The following BBS1 variants were observed in gnomAD, a reference collection of about 807,000 sequenced individuals.
BBS1 encodes Bardet-Biedl syndrome 1.
Under a neutral mutation model 73.9 loss-of-function variants are expected in BBS1, and 60 were observed. The observed-to-expected ratio is 0.81, with a 90% CI of 0.66 to 1.01. The LOEUF is 1.01. BBS1 is among the 50% of genes least tolerant of loss of function. BBS1 has a pLI of 0.00. For missense variants in BBS1, 718 were observed against 770.3 expected, an observed-to-expected ratio of 0.93 and a Z score of 0.80; for synonymous variants, 283 against 317.4, an observed-to-expected ratio of 0.89 and a Z score of 1.15.
chr11:66,532,144 C>T lies in BBS1; in HGVS notation c.*107C>T, dbSNP rs981703678. Reference sequence around the variant, plus strand: ...GCAGCAGTGTGCTGGGGCGACAGCTCGTCTCCCCTCTCTTAAGCACCCGCT... The same window carrying T: ...GCAGCAGTGTGCTGGGGCGACAGCTTGTCTCCCCTCTCTTAAGCACCCGCT... On this transcript the variant is annotated 3_prime_UTR_variant, in exon 17 of 17. Coordinates refer to ENST00000318312, the MANE Select transcript of BBS1 (RefSeq NM_024649.5). The T allele has an allele frequency of 2.5e-4, 302 of 1,207,740 alleles. No individual in the cohort carries two copies. The highest frequency in any genetic ancestry group is 1.5e-4 in the African/African-American group (10 of 65,862). The allele number at this position is 1,207,740 out of a possible 1,614,324, so 74.8% of individuals were successfully genotyped here. A position where few individuals can be genotyped will look rare whatever the true frequency, so the allele number is the denominator to read the frequency against.
At chr11:66,515,491 G>C in intron 4 of BBS1, 49 bp from the exon 5 acceptor site, 1 of 1,607,440 alleles carries the variant, frequency 6.2e-7, no homozygotes, top group Non-Finnish European at 8.5e-7. Flanking sequence ...TAGACATTGG[G>C]TTTCCTGCCT....
intron 8 of BBS1, 195 bp from the exon 9 acceptor site, chr11:66,521,075 C>T (rs929870417): frequency 4.8e-6 from 3 of 630,582 alleles, no homozygotes; most frequent in Non-Finnish European, 5.7e-6. Context: ...ATCGTTTAGT[C>T]AAAAGGCACA....
Position 66,511,828 on chromosome 11 carries a change from A to G in BBS1, c.159+589A>G, listed in dbSNP as rs1791689. On this transcript the variant is annotated intron_variant, in intron 3 of 16. Coordinates refer to ENST00000318312, the MANE Select transcript of BBS1 (RefSeq NM_024649.5). Reference sequence around the variant, plus strand: ...AGCCTGTCCAACATGGTGAAACACCATCTCTACTAAAAATACAAAAATTAG... The same window carrying G: ...AGCCTGTCCAACATGGTGAAACACCGTCTCTACTAAAAATACAAAAATTAG... Among the ~76,000 whole-genome samples the G allele has an allele frequency of 2.7e-3, 417 of 151,708 alleles. 4 individuals carry two copies. The highest frequency in any genetic ancestry group is 9.6e-3 in the African/African-American group (399 of 41,356).
At position 66,529,978 on chromosome 11, in the gene BBS1, CAG is replaced by C. The variant is rs776820732; in HGVS notation, c.1473+27_1473+28del. 1.0e-5 allele frequency: 16 copies of C among 1,589,792 alleles called. No individual in the cohort carries two copies. In the East Asian group the frequency reaches 3.4e-4, roughly 34 times the overall value. On this transcript the variant is annotated intron_variant, in intron 14 of 16. Coordinates refer to ENST00000318312, the MANE Select transcript of BBS1 (RefSeq NM_024649.5). ...GTGAGCATCTGGGTGAGGGCAGAGT[CAG>C]GGCCAGAGGGGCAGAGGCCAGGATG...
intron 3 of BBS1, among the ~76,000 whole-genome samples, chr11:66,513,798 C>T (rs535128720): frequency 2.6e-5 from 4 of 152,264 alleles, no homozygotes; most frequent in East Asian, 1.9e-4. Flanking sequence ...CCTTTCTGGC[C>T]GGAGCACAGC....
At chr11:66,524,017 T>C in intron 11 of BBS1, 135 bp downstream of exon 11, 1 of 1,318,694 alleles carries the variant, frequency 7.6e-7, no homozygotes, top group Non-Finnish European at 1.1e-6. Flanking sequence ...CAGTGGCTCA[T>C]GCCTGTAATC....
chr11:66,529,766 C>T, intron 13 of BBS1, 53 bp from the exon 14 acceptor site: 3 of 1,604,830 alleles, frequency 1.9e-6, no homozygotes, highest in African/African-American at 2.7e-5. Flanking sequence ...GTTGCTGCCT[C>T]CTCCCTGCCA....
rs145250354 is a variant in BBS1, at chr11:66,519,901, C to T, written c.723+153C>T. The T allele has an allele frequency of 3.8e-3, 3,683 of 973,218 alleles. 13 individuals are homozygous for T. Among genetic ancestry groups the T allele is most frequent in the Middle Eastern group, 4.9e-3 (15 of 3,040 alleles). The allele number at this position is 973,218 out of a possible 1,614,324, so 60.3% of individuals were successfully genotyped here. On this transcript the variant is annotated intron_variant, in intron 8 of 16. Transcript: ENST00000318312. The stretch of plus-strand genomic sequence containing the variant: ...AAAGATATATATCCAAAAATCCTAC[C>T]GCCTATGGATGTATACTGTTAAAGT...
At chr11:66,529,983 CCAGAGGGG>C (rs759842562) in intron 14 of BBS1, 31 bp downstream of exon 14, 3 of 1,585,882 alleles carry the variant, frequency 1.9e-6, no homozygotes, top group Non-Finnish European at 2.6e-6. Flanking sequence ...AGAGTCAGGG[CCAGAGGGG>C]CAGAGGCCAG....
chr11:66,512,409 C>A (rs1855973198), intron 3 of BBS1, among the ~76,000 whole-genome samples: 1 of 152,112 alleles, frequency 6.6e-6, no homozygotes, highest in South Asian at 2.1e-4. Flanking sequence ...GTCCTGGAAT[C>A]CCACCCCACA....
chr11:66,529,987 A>T (rs1468194863), intron 14 of BBS1, 35 bp downstream of exon 14: 2 of 1,581,782 alleles, frequency 1.3e-6, no homozygotes, highest in Non-Finnish European at 1.7e-6. Flanking sequence ...TCAGGGCCAG[A>T]GGGGCAGAGG....
intron 1 of BBS1, 51 bp downstream of exon 1, chr11:66,510,757 C>G (rs1315269980): frequency 6.2e-7 from 1 of 1,609,118 alleles, no homozygotes; most frequent in East Asian, 2.2e-5. Flanking sequence ...TAAAGAGGGT[C>G]CCTTGGTCCC....
In BBS1 at chr11:66,515,728, T is replaced by C. The variant is rs761360440; in HGVS notation, c.515T>C (p.Leu172Pro). 6.2e-7 allele frequency: 1 copy of C among 1,613,964 alleles called. No homozygotes were observed. Residue 172 changes from leucine to proline, a missense_variant, in exon 6 of 17, where the codon CTC becomes CCC. Coordinates refer to ENST00000318312, the MANE Select transcript of BBS1 (RefSeq NM_024649.5). ...TAEEPLSIQS[L>P]RFLQLELSEM... ...GAGGAGCCTTTGTCCATCCAGTCAC[T>C]CAGGTAAGGACCCTGTGGAGGGCCA... is the stretch of plus-strand genomic sequence containing the variant.
rs1245952031 is a variant in BBS1 at position 66,523,774 on chromosome 11, C to A, written c.1002C>A (p.Asn334Lys). The part of the protein sequence containing the change: ...VQMPAAILTM[N>K]LLEQHSRGLQ... ...TGCCCGCAGCCATCCTGACCATGAACCTCCTGGAGCAGCATTCCCGGGGCC... is the reference window on the plus strand; with the variant it reads ...TGCCCGCAGCCATCCTGACCATGAAACTCCTGGAGCAGCATTCCCGGGGCC... The change falls in exon 11 of 17, where the codon AAC (asparagine) becomes AAA (lysine). Residue 334 changes from asparagine to lysine, a missense_variant. Transcript: ENST00000318312. 1 of 1,613,140 alleles carries A rather than the reference C, an allele frequency of 6.2e-7. No homozygotes were observed. Among genetic ancestry groups the A allele is most frequent in the Non-Finnish European group, 8.5e-7 (1 of 1,180,034 alleles).
intron 12 of BBS1, 66 bp downstream of exon 12, chr11:66,526,258 GA>G (rs1291907192): frequency 3.4e-6 from 5 of 1,482,210 alleles, no homozygotes; most frequent in African/African-American, 1.4e-5. Context: ...TGCTTCTGGG[GA>G]AAGAGGAGGA....
chr11:66,529,677 C>T lies in BBS1; in HGVS notation c.1340-142C>T, dbSNP rs561723089. On this transcript the variant is annotated intron_variant, in intron 13 of 16. Coordinates refer to ENST00000318312, the MANE Select transcript of BBS1 (RefSeq NM_024649.5). ...TGCCAGAAGGCTGGGCTCTTTCCCT[C>T]CTCCCCAGCTCCTGCAGACTCCTCC... The T allele has an allele frequency of 3.4e-5, 37 of 1,079,402 alleles. No individual in the cohort carries two copies. The East Asian group carries it at 6.3e-4, about 18-fold the overall frequency. 66.9% of individuals were successfully genotyped at this position (1,079,402 alleles called of 1,614,324 possible).
intron 13 of BBS1, among the ~76,000 whole-genome samples, chr11:66,527,284 G>A (rs1287306469): frequency 2.7e-5 from 4 of 150,774 alleles, no homozygotes; most frequent in Admixed American, 6.6e-5. Flanking sequence ...TTTCCTGCCC[G>A]TTTATTTGTT....
rs1046224107 is a variant in BBS1 at position 66,529,876 on chromosome 11, C to T, written c.1397C>T (p.Ala466Val). The T allele has an allele frequency of 2.5e-6, 4 of 1,610,140 alleles. No homozygotes were observed. The highest frequency in any genetic ancestry group is 3.4e-6 in the Non-Finnish European group (4 of 1,179,976). Residue 466 changes from alanine (A) to valine (V), a missense_variant, in exon 14 of 17, where the codon GCC becomes GTC. Transcript: ENST00000318312. ...CTGCTGCGCCTACGTGCTGCCCGCG[C>T]CTACCTGCAGGCCCTCGAGTCCAGC... is the stretch of plus-strand genomic sequence containing the variant. The part of the protein sequence containing the change: ...LYLLRLRAAR[A>V]YLQALESSLS...
intron 8 of BBS1, 44 bp downstream of exon 8, chr11:66,519,792 G>GCATTCTCTCCCCATGCTC: frequency 6.2e-7 from 1 of 1,608,504 alleles, no homozygotes; most frequent in Non-Finnish European, 8.5e-7. Flanking sequence ...GGCCCAGGCT[G>GCATTCTCTCCCCATGCTC]CATTCTCTCC....
Sources: allele counts gnomAD v4.1 joint callset (sites outside exome capture counted in the v4.1 genomes callset), GRCh38; gene constraint gnomAD v4.1.1; transcripts MANE v1.5; gene names NCBI Gene and HGNC (gene_info 2026-07-23, HGNC 2026-07-21).